Variants in PREX2 observed in about 807,000 individuals in gnomAD.
PREX2 encodes phosphatidylinositol 3,4,5-trisphosphate-dependent Rac exchanger 2 protein.
A neutral mutation model predicts 203.2 loss-of-function variants in PREX2; 107 were observed. The observed-to-expected ratio is 0.53, with a 90% CI of 0.45 to 0.62. PREX2 has a LOEUF of 0.62. PREX2 is among the 20% of genes least tolerant of loss of function. The pLI is 0.00. For synonymous variants in PREX2, 672 were observed against 663.6 expected, an observed-to-expected ratio of 1.01 and a Z score of -0.19; for missense variants, 1,777 against 1,955.9, an observed-to-expected ratio of 0.91 and a Z score of 1.72.
At chr8:67,978,204 T>G (rs7463894) in intron 1 of PREX2, among the ~76,000 whole-genome samples, 52,155 of 151,692 alleles carry the variant, frequency 0.34, 9,320 homozygotes, top group East Asian at 0.6. Flanking sequence ...TCCCCCCTCC[T>G]CTCCCCCCGC....
intron 37 of PREX2, among the ~76,000 whole-genome samples, chr8:68,209,852 G>T (rs1384471287): frequency 6.6e-6 from 1 of 152,138 alleles, no homozygotes; most frequent in African/African-American, 2.4e-5. Context: ...CTATTGTTTG[G>T]ACCATGATCC....
chr8:68,002,944 A>G (rs886416145), intron 1 of PREX2, among the ~76,000 whole-genome samples: 2 of 152,194 alleles, frequency 1.3e-5, no homozygotes, highest in African/African-American at 4.8e-5. Flanking sequence ...TGAGGAACTC[A>G]TATTTCAATA....
chr8:68,134,315 G>T, intron 32 of PREX2, 39 bp downstream of exon 32: 4 of 1,469,386 alleles, frequency 2.7e-6, no homozygotes, highest in Non-Finnish European at 3.8e-6. Context: ...TGTGTCAACT[G>T]TAACCTGCAC....
In PREX2 at chr8:67,960,998, A is replaced by G. The variant is rs187195383; in HGVS notation, c.141+8463A>G. 4.2e-4 allele frequency among the ~76,000 whole-genome samples: 64 copies of G among 150,800 alleles called. 1 individual carries two copies. In the East Asian group the frequency reaches 0.01, roughly 24 times the overall value. Reference sequence around the variant, plus strand: ...GGTTCAAATCTCAGAGATAATGACAACCATTTTTTAAACCATGGTGCAAAT... The same window carrying G: ...GGTTCAAATCTCAGAGATAATGACAGCCATTTTTTAAACCATGGTGCAAAT... On this transcript the variant is annotated intron_variant, in intron 1 of 39. Coordinates refer to ENST00000288368, the MANE Select transcript of PREX2 (RefSeq NM_024870.4).
chr8:68,187,111 C>T (rs1419918160), intron 35 of PREX2, among the ~76,000 whole-genome samples: 2 of 151,842 alleles, frequency 1.3e-5, no homozygotes, highest in South Asian at 2.1e-4. Flanking sequence ...GCAATGCTTC[C>T]CTTAGGTGGT....
At chr8:68,121,148 G>T in intron 30 of PREX2, 99 bp downstream of exon 30, 3 of 1,258,258 alleles carry the variant, frequency 2.4e-6, no homozygotes, top group Non-Finnish European at 3.4e-6. Context: ...ATTTTTTGCA[G>T]TGTTTCCTTT....
chr8:67,964,782 C>A (rs1474471894), intron 1 of PREX2, among the ~76,000 whole-genome samples: 1 of 152,162 alleles, frequency 6.6e-6, no homozygotes, highest in African/African-American at 2.4e-5. Flanking sequence ...TTAGGCACTG[C>A]ATATTCATTA....
chr8:68,236,292 G>A lies in PREX2; in HGVS notation c.*4914G>A, dbSNP rs1446284706. The A allele has an allele frequency of 6.6e-6, 1 of 152,152 alleles. No individual in the cohort carries two copies. Among genetic ancestry groups the A allele is most frequent in the Admixed American group, 6.6e-5 (1 of 15,256 alleles). The allele number at this position is 152,152 out of a possible 1,614,324, so 9.4% of individuals were successfully genotyped here. A position where few individuals can be genotyped will look rare whatever the true frequency, so the allele number is the denominator to read the frequency against. Reference sequence around the variant, plus strand: ...CATTTCTACTAGAAATAGCTTTGGAGAGTTAATTTTAGGTGCGAATAACAG... The same window carrying A: ...CATTTCTACTAGAAATAGCTTTGGAAAGTTAATTTTAGGTGCGAATAACAG... On this transcript the variant is annotated 3_prime_UTR_variant, in exon 40 of 40. Transcript: ENST00000288368.
chr8:68,049,561 T>A (rs1016718248), intron 8 of PREX2, among the ~76,000 whole-genome samples: 1 of 152,084 alleles, frequency 6.6e-6, no homozygotes, highest in Non-Finnish European at 1.5e-5. Context: ...TAGCTTCAAG[T>A]AATTAGTGAC....
At chr8:68,151,119 C>G (rs1811425003) in intron 34 of PREX2, among the ~76,000 whole-genome samples, 1 of 152,094 alleles carries the variant, frequency 6.6e-6, no homozygotes, top group African/African-American at 2.4e-5. Flanking sequence ...TGCAAAAACC[C>G]TATTTCAAAA....
At chr8:68,109,163 T>A (rs537567392) in intron 24 of PREX2, among the ~76,000 whole-genome samples, 92 of 152,230 alleles carry the variant, frequency 6.0e-4, no homozygotes, top group African/African-American at 2.2e-3. Flanking sequence ...ACATATTGTA[T>A]TCTTGATAAA....
intron 1 of PREX2, among the ~76,000 whole-genome samples, chr8:67,975,158 C>T (rs1806037927): frequency 6.6e-6 from 1 of 151,810 alleles, no homozygotes; most frequent in African/African-American, 2.4e-5. Flanking sequence ...CTGTAGCTCA[C>T]CCTGACCTAC....
At chr8:68,163,477 A>G (rs1319092904) in intron 35 of PREX2, among the ~76,000 whole-genome samples, 1 of 152,228 alleles carries the variant, frequency 6.6e-6, no homozygotes, top group Non-Finnish European at 1.5e-5. Flanking sequence ...AATTTACCAT[A>G]GAATTTCATA....
Position 68,157,340 on chromosome 8 carries a change from G to A in PREX2, c.4250G>A (p.Gly1417Glu). 1 of 1,605,580 alleles carries A rather than the reference G, an allele frequency of 6.2e-7. No homozygotes were observed. The highest frequency in any genetic ancestry group is 8.5e-7 in the Non-Finnish European group (1 of 1,172,752). The change falls in exon 35 of 40, where the codon GGA becomes GAA. Residue 1417 changes from glycine (G) to glutamate (E), a missense_variant. Transcript: ENST00000288368. The part of the protein sequence containing the change: ...LFAQALESME[G>E]YYYRDNVSVE... ...TACACAGCACTAGAGAGCATGGAAG[G>A]ATATTATTACAGAGACAATGTTTCT...
intron 23 of PREX2, among the ~76,000 whole-genome samples, chr8:68,100,390 G>C (rs1810224794): frequency 6.6e-6 from 1 of 152,182 alleles, no homozygotes; most frequent in South Asian, 2.1e-4. Flanking sequence ...AAGTGGGAGA[G>C]ACAGCAAGTA....
At chr8:68,050,406 C>A (rs568730885) in intron 8 of PREX2, among the ~76,000 whole-genome samples, 3 of 149,754 alleles carry the variant, frequency 2.0e-5, no homozygotes, top group African/African-American at 7.4e-5. Context: ...TCTTCCTGGC[C>A]GGAGCATGAG....
At chr8:67,963,297 A>G (rs1208348667) in intron 1 of PREX2, among the ~76,000 whole-genome samples, 1 of 152,192 alleles carries the variant, frequency 6.6e-6, no homozygotes, top group Non-Finnish European at 1.5e-5. Flanking sequence ...AATGGAAGGT[A>G]CATGTTCAGG....
At chr8:68,026,303 G>A (rs1466030924) in intron 4 of PREX2, among the ~76,000 whole-genome samples, 2 of 151,944 alleles carry the variant, frequency 1.3e-5, no homozygotes, top group African/African-American at 4.8e-5. Flanking sequence ...ATCCTTTACT[G>A]ATCAACACTC....
At chr8:68,031,875 G>T (rs1807893907) in intron 6 of PREX2, among the ~76,000 whole-genome samples, 1 of 152,152 alleles carries the variant, frequency 6.6e-6, no homozygotes, top group African/African-American at 2.4e-5. Context: ...AACCGAACTT[G>T]CTTTAAATTG....
Sources: gnomAD v4.1 joint callset for allele counts (sites outside exome capture counted in the v4.1 genomes callset) on GRCh38, gnomAD v4.1.1 for gene constraint, MANE v1.5 for transcripts, NCBI Gene and HGNC (gene_info 2026-07-23, HGNC 2026-07-21) for gene names.